Variants in MAPK6 observed in about 807,000 individuals in gnomAD.
The protein encoded by MAPK6 is ERK-3.
A neutral mutation model predicts 59.3 loss-of-function variants in MAPK6; 19 were observed. That is an observed-to-expected ratio of 0.32 (90% CI 0.22 to 0.47). MAPK6 has a LOEUF of 0.47. Among genes scored for constraint, MAPK6 ranks in the 20% least tolerant of loss-of-function variants. The pLI is 1.00. For synonymous variants in MAPK6, 316 were observed against 290.3 expected, an observed-to-expected ratio of 1.09 and a Z score of -0.90; for missense variants, 724 against 847.9, an observed-to-expected ratio of 0.85 and a Z score of 1.81.
chr15:52,027,530 C>T, intron 1 of MAPK6: 1 of 151,134 alleles, frequency 6.6e-6, no homozygotes, highest in Admixed American at 6.6e-5. Context: ...ACTGTAATTT[C>T]ATGCCTTGCT....
chr15:52,044,787 C>T (rs1381911564), intron 1 of MAPK6, among the ~76,000 whole-genome samples: 4 of 152,030 alleles, frequency 2.6e-5, no homozygotes, highest in Admixed American at 6.5e-5. Context: ...TACCACCCAG[C>T]TCTATAAGAT....
chr15:52,029,927 A>G (rs1334886190), intron 1 of MAPK6, among the ~76,000 whole-genome samples: 2 of 152,212 alleles, frequency 1.3e-5, no homozygotes, highest in Non-Finnish European at 2.9e-5. Context: ...ATGTAAATGA[A>G]ATAATGTAGA....
intron 1 of MAPK6, among the ~76,000 whole-genome samples, chr15:52,022,299 C>T (rs1242638842): frequency 2.0e-5 from 3 of 152,196 alleles, no homozygotes; most frequent in Non-Finnish European, 2.9e-5. Flanking sequence ...CTTGCTCTGT[C>T]ACCCTGGCTG....
intron 1 of MAPK6, among the ~76,000 whole-genome samples, chr15:51,977,742 G>T (rs1338643802): frequency 1.3e-5 from 2 of 151,582 alleles, no homozygotes. Flanking sequence ...TCACTATGTT[G>T]CTCAGAATGA....
At chr15:51,974,141 A>T (rs2057149991) in intron 1 of MAPK6, among the ~76,000 whole-genome samples, 1 of 151,828 alleles carries the variant, frequency 6.6e-6, no homozygotes. Flanking sequence ...TTAAAAAAAT[A>T]TATAGAAACA....
intron 2 of MAPK6, among the ~76,000 whole-genome samples, chr15:51,988,998 C>A (rs2057199940): frequency 6.6e-6 from 1 of 152,030 alleles, no homozygotes; most frequent in Non-Finnish European, 1.5e-5. Context: ...TTCCCTTTGC[C>A]TCCGTCTTCT....
At chr15:52,054,846 G>A (rs529098633) in intron 3 of MAPK6, among the ~76,000 whole-genome samples, 1 of 151,926 alleles carries the variant, frequency 6.6e-6, no homozygotes, top group African/African-American at 2.4e-5. Flanking sequence ...ATCGTACAAT[G>A]GTGCGATCTT....
intron 1 of MAPK6, among the ~76,000 whole-genome samples, chr15:52,028,996 CAT>C (rs1302876301): frequency 1.3e-5 from 2 of 152,196 alleles, no homozygotes; most frequent in Non-Finnish European, 2.9e-5. Flanking sequence ...TTTTATGAGA[CAT>C]ATGTTCTTGT....
chr15:52,049,128 T>A (rs1273150192), intron 2 of MAPK6, among the ~76,000 whole-genome samples: 2 of 152,030 alleles, frequency 1.3e-5, no homozygotes, highest in Non-Finnish European at 2.9e-5. Context: ...ATGTGTAAGG[T>A]TTTGTAAGGT....
intron 2 of MAPK6, among the ~76,000 whole-genome samples, chr15:51,987,075 G>GA (rs1161740086): frequency 6.6e-6 from 1 of 152,206 alleles, no homozygotes; most frequent in African/African-American, 2.4e-5. Context: ...CATATGCACA[G>GA]AAAAAAATCT....
chr15:51,978,177 A>G (rs1300173157), intron 1 of MAPK6, among the ~76,000 whole-genome samples: 1 of 151,482 alleles, frequency 6.6e-6, no homozygotes, highest in African/African-American at 2.4e-5. Flanking sequence ...CTGTCGCCCA[A>G]GCTGGAGTAC....
chr15:51,987,883 A>G (rs1308729891), intron 2 of MAPK6, among the ~76,000 whole-genome samples: 1 of 149,308 alleles, frequency 6.7e-6, no homozygotes, highest in Non-Finnish European at 1.5e-5. Flanking sequence ...CTCCTGCCTC[A>G]GCTTCTGGAA....
At chr15:51,993,348 C>T (rs572108621) in intron 2 of MAPK6, among the ~76,000 whole-genome samples, 4 of 152,172 alleles carry the variant, frequency 2.6e-5, no homozygotes, top group East Asian at 1.9e-4. Flanking sequence ...TTTTTAGGAG[C>T]GCTACATCAG....
rs537181440 is a variant in MAPK6 at position 51,991,572 on chromosome 15, G to T, written c.-770+8257G>T. Among the ~76,000 whole-genome samples, 18 of 152,318 alleles carry T rather than the reference G, an allele frequency of 1.2e-4. No homozygotes were observed. The South Asian group carries it at 1.9e-3, about 16-fold the overall frequency. On this transcript the variant is annotated intron_variant, in intron 2 of 7. Coordinates refer to the MAPK6 transcript ENST00000691380. ...CTCCAGGGAGTGAAGACATGAAAAA[G>T]AAATGGTACCAGTCTCCAGGGAACT...
At chr15:51,997,359 C>A (rs1258955155) in intron 2 of MAPK6, among the ~76,000 whole-genome samples, 1 of 150,992 alleles carries the variant, frequency 6.6e-6, no homozygotes, top group East Asian at 1.9e-4. Flanking sequence ...GCGACCTCTG[C>A]CTCCCGGGTT....
At chr15:52,009,080 T>C (rs905453587) in intron 3 of MAPK6, among the ~76,000 whole-genome samples, 2 of 152,204 alleles carry the variant, frequency 1.3e-5, no homozygotes, top group Non-Finnish European at 2.9e-5. Flanking sequence ...CAGGATTAGT[T>C]AGAGGAAGTG....
At chr15:52,011,229 A>T (rs1566898245) in intron 3 of MAPK6, 1 of 151,980 alleles carries the variant, frequency 6.6e-6, no homozygotes, top group Non-Finnish European at 1.5e-5. Context: ...TGGTGCCATG[A>T]TTTTTTTGTT....
chr15:52,064,709 C>T lies in MAPK6; in HGVS notation c.1875C>T (p.Tyr625=). The T allele has an allele frequency of 6.2e-7, 1 of 1,611,814 alleles. No homozygotes were observed. Among genetic ancestry groups the T allele is most frequent in the Middle Eastern group, 2.3e-4 (1 of 4,430 alleles). ...KDEQVEKENT[Y]TSYLDKFFSR... ...AACAAGTTGAGAAGGAAAACACTTA[C>T]ACTAGTTACTTGGACAAGTTCTTTA... Residue 625 remains tyrosine (Y), a synonymous_variant, in exon 6 of 6, where the codon TAC becomes TAT. Coordinates refer to ENST00000261845, the MANE Select transcript of MAPK6 (RefSeq NM_002748.4).
At chr15:52,053,295 C>T (rs562347798) in intron 3 of MAPK6, among the ~76,000 whole-genome samples, 1 of 151,990 alleles carries the variant, frequency 6.6e-6, no homozygotes, top group Non-Finnish European at 1.5e-5. Flanking sequence ...AGGCTGGTCT[C>T]GAACTCCTAA....
Sources: allele counts gnomAD v4.1 joint callset (sites outside exome capture counted in the v4.1 genomes callset), GRCh38; gene constraint gnomAD v4.1.1; transcripts MANE v1.5; gene names NCBI Gene and HGNC (gene_info 2026-07-23, HGNC 2026-07-21).